Variants in FRYL observed in about 807,000 individuals in gnomAD.
The protein encoded by FRYL is protein furry homolog-like.
Under a neutral mutation model 351.2 loss-of-function variants are expected in FRYL, and 150 were observed. That is an observed-to-expected ratio of 0.43 (90% confidence interval 0.37 to 0.49). The LOEUF is 0.49. FRYL is among the 20% of genes least tolerant of loss of function. The probability of loss-of-function intolerance (pLI) is 0.00; values close to 1 mark genes in which losing one functional copy is unlikely to be tolerated. For synonymous variants in FRYL, 1,153 were observed against 1,257.1 expected (o/e 0.92, Z 1.75); for missense variants, 3,036 against 3,619.3 (o/e 0.84, Z 4.13).
intron 25 of FRYL, 58 bp from the exon 26 acceptor site, chr4:48,573,301 G>T: frequency 9.1e-7 from 1 of 1,104,064 alleles, no homozygotes; most frequent in Non-Finnish European, 1.4e-6. Context: ...TCTGACACAG[G>T]TAAATATGTA....
chr4:48,693,883 A>T (rs1765888969), intron 2 of FRYL, among the ~76,000 whole-genome samples: 1 of 152,354 alleles, frequency 6.6e-6, no homozygotes, highest in Non-Finnish European at 1.5e-5. Flanking sequence ...TTTATTATGT[A>T]CGAGTATTAA....
intron 25 of FRYL, 125 bp from the exon 26 acceptor site, chr4:48,573,368 GTC>G (rs1738804905): frequency 1.6e-6 from 1 of 609,996 alleles, no homozygotes; most frequent in African/African-American, 1.9e-5. Flanking sequence ...TAAACACAAT[GTC>G]TATTTTTTTA....
chr4:48,755,066 C>CTTCT (rs776111429), intron 1 of FRYL, among the ~76,000 whole-genome samples: 3 of 152,158 alleles, frequency 2.0e-5, no homozygotes, highest in Non-Finnish European at 4.4e-5. Flanking sequence ...CAACCTCCTC[C>CTTCT]TTCTATTAGT....
At chr4:48,584,423 A>C (rs1308782111) in intron 19 of FRYL, among the ~76,000 whole-genome samples, 1 of 152,202 alleles carries the variant, frequency 6.6e-6, no homozygotes, top group Admixed American at 6.5e-5. Flanking sequence ...ACTAAAGAGA[A>C]GTATTATAGC....
Position 48,527,986 on chromosome 4 carries a change from G to A in FRYL, c.7125C>T (p.Leu2375=). 1 of 1,576,946 alleles carries A rather than the reference G, an allele frequency of 6.3e-7. No individual in the cohort carries two copies. Among genetic ancestry groups the A allele is most frequent in the Non-Finnish European group, 8.6e-7 (1 of 1,169,438 alleles). Residue 2375 remains leucine, a synonymous_variant, in exon 52 of 64, where the codon CTC becomes CTT. Transcript: ENST00000358350. The part of the protein sequence containing the change: ...VLSLCGPESG[L]PKNPSVVFSS... ...GATTACTCACTGATGGGTTCTTTGG[G>A]AGGCCAGATTCTGGACCACAGAGAG...
chr4:48,524,193 T>C (rs1725496747), intron 53 of FRYL, among the ~76,000 whole-genome samples: 1 of 152,072 alleles, frequency 6.6e-6, no homozygotes, highest in African/African-American at 2.4e-5. Context: ...TTTTTTTTTT[T>C]TGAAAGCAGA....
At chr4:48,563,203 C>T (rs2149064484) in intron 31 of FRYL, among the ~76,000 whole-genome samples, 1 of 151,804 alleles carries the variant, frequency 6.6e-6, no homozygotes, top group South Asian at 2.1e-4. Flanking sequence ...CGTGTTCAAC[C>T]TTTTGGCTTC....
intron 57 of FRYL, among the ~76,000 whole-genome samples, chr4:48,511,186 A>G (rs1722397467): frequency 6.6e-6 from 1 of 152,202 alleles, no homozygotes. Flanking sequence ...AATTTACAAA[A>G]TAGTATTACT....
intron 1 of FRYL, among the ~76,000 whole-genome samples, chr4:48,771,728 C>A (rs1360651217): frequency 6.6e-6 from 1 of 152,006 alleles, no homozygotes; most frequent in Non-Finnish European, 1.5e-5. Flanking sequence ...AAGTCCCTAG[C>A]ACTAAAGCTC....
At position 48,512,494 on chromosome 4, in the gene FRYL, G is replaced by C; in HGVS notation, c.8132C>G (p.Ser2711Cys). ...AACCTCACTGACCTGAAACAGCCTA[G>C]AAAACACATGAAAAGTAAACACTGC... ...SSAVFTFHVF[S>C]RLFQTIQRKF... The change falls in exon 57 of 64, where the codon TCT becomes TGT. Residue 2711 changes from serine to cysteine, a missense_variant. By Grantham distance (112) the Ser-to-Cys change is moderately radical. Around this residue, in one of 7 missense-constraint regions of FRYL, gnomAD observed 1,987 missense variants for 2,311.7 expected, o/e 0.86. Transcript: ENST00000358350. 7 of 1,613,018 alleles carry C rather than the reference G, an allele frequency of 4.3e-6. No individual in the cohort carries two copies. Among genetic ancestry groups the C allele is most frequent in the African/African-American group, 2.7e-5 (2 of 75,030 alleles).
At chr4:48,505,421 C>G in intron 60 of FRYL, 126 bp downstream of exon 60, 1 of 627,574 alleles carries the variant, frequency 1.6e-6, no homozygotes, top group Non-Finnish European at 2.9e-6. Flanking sequence ...GTTTTGATAA[C>G]CAAAATGAAA....
Position 48,581,519 on chromosome 4 carries a change from C to T in FRYL, c.2073G>A (p.Ala691=), listed in dbSNP as rs370236896. 1.7e-4 allele frequency: 270 copies of T among 1,613,908 alleles called. No individual in the cohort carries two copies. In the East Asian group the frequency reaches 4.2e-3, roughly 25 times the overall value. The change falls in exon 21 of 64, where the codon GCG becomes GCA. Residue 691 remains alanine (A), a synonymous_variant. Transcript: ENST00000358350. ...SNVFHVVEGF[A]LVILCSSRPA... is the part of the protein sequence containing the mutation. ...GTCGACTGCTACAGAGAATGACAAG[C>T]GCAAAGCCTTCAACCACATGGAATA...
rs772534039 is a variant in FRYL, at chr4:48,527,689, C to A, written c.7141-36G>T. 1.3e-3 allele frequency: 2,008 copies of A among 1,572,114 alleles called. 1 individual carries two copies. Among genetic ancestry groups the A allele is most frequent in the Non-Finnish European group, 1.6e-3 (1,862 of 1,164,154 alleles). On this transcript the variant is annotated intron_variant, in intron 52 of 63. Coordinates refer to ENST00000358350, the MANE Select transcript of FRYL (RefSeq NM_015030.2). ...ATTAAAAAAAAAAAAAAAGTCCATC[C>A]ATCAGATTTGTCACTCTGCGTATGA...
intron 4 of FRYL, among the ~76,000 whole-genome samples, chr4:48,627,399 T>C (rs927959452): frequency 9.2e-5 from 14 of 152,184 alleles, no homozygotes; most frequent in Admixed American, 8.5e-4. Flanking sequence ...AACACAGTTA[T>C]AGCCAACTAG....
Position 48,527,988 on chromosome 4 carries a change from G to T in FRYL, c.7123C>A (p.Leu2375Ile). The change falls in exon 52 of 64, where the codon CTC becomes ATC. Residue 2375 changes from leucine (L) to isoleucine (I), a missense_variant. Physicochemically the swap from Leu to Ile is conservative, Grantham distance 5. Transcript: ENST00000358350. Reference sequence around the variant, plus strand: ...TTACTCACTGATGGGTTCTTTGGGAGGCCAGATTCTGGACCACAGAGAGAA... The same window carrying T: ...TTACTCACTGATGGGTTCTTTGGGATGCCAGATTCTGGACCACAGAGAGAA... ...VLSLCGPESG[L>I]PKNPSVVFSS... The T allele has an allele frequency of 1.3e-6, 2 of 1,576,544 alleles. No homozygotes were observed. The highest frequency in any genetic ancestry group is 2.0e-5 in the Admixed American group (1 of 48,906).
intron 3 of FRYL, among the ~76,000 whole-genome samples, chr4:48,651,475 C>T (rs1757696288): frequency 6.6e-6 from 1 of 151,944 alleles, no homozygotes; most frequent in East Asian, 1.9e-4. Context: ...CCCAGCAGAC[C>T]AATGTGATTC....
intron 23 of FRYL, among the ~76,000 whole-genome samples, chr4:48,578,187 T>A (rs1740059917): frequency 6.6e-6 from 1 of 152,066 alleles, no homozygotes; most frequent in South Asian, 2.1e-4. Flanking sequence ...GGGGATAATT[T>A]GGTTCCAACT....
At chr4:48,684,062 T>A (rs557840334) in intron 3 of FRYL, among the ~76,000 whole-genome samples, 2 of 152,334 alleles carry the variant, frequency 1.3e-5, no homozygotes, top group South Asian at 4.1e-4. Flanking sequence ...CATTCTCAAC[T>A]GCACTTTCAA....
rs1722186291 is a variant in FRYL at position 48,510,235 on chromosome 4, A to G, written c.8296-78T>C. ...GACTCACAAAATCATGAGACTTTTC[A>G]GTCATGGAATAGCTGTTAGTTGGTT... On this transcript the variant is annotated intron_variant, in intron 58 of 63. Coordinates refer to ENST00000358350, the MANE Select transcript of FRYL (RefSeq NM_015030.2). 10 of 1,055,734 alleles carry G rather than the reference A, an allele frequency of 9.5e-6. No homozygotes were observed. In the Admixed American group the frequency reaches 1.5e-4, roughly 16 times the overall value. 65.4% of individuals were successfully genotyped at this position (1,055,734 alleles called of 1,614,324 possible). A position where few individuals can be genotyped will look rare whatever the true frequency, so the allele number is the denominator to read the frequency against.
Sources: gnomAD v4.1 joint callset for allele counts (sites outside exome capture counted in the v4.1 genomes callset) on GRCh38, gnomAD v4.1.1 for gene constraint, gnomAD v4.1.1 regional missense constraint, MANE v1.5 for transcripts, NCBI Gene and HGNC (gene_info 2026-07-23, HGNC 2026-07-21) for gene names.